The following ASTN1 variants were observed in gnomAD, a reference collection of about 807,000 sequenced individuals.
ASTN1 encodes astrotactin 1.
In ASTN1, 41 loss-of-function variants were observed where a neutral mutation model predicts 140.7. The ratio of observed to expected loss-of-function variants is 0.29; its 90% CI spans 0.23 to 0.38. ASTN1 has a LOEUF of 0.38. ASTN1 is among the 10% of genes least tolerant of loss of function. The probability of loss-of-function intolerance (pLI) is 1.00; values close to 1 mark genes in which losing one functional copy is unlikely to be tolerated. For synonymous variants in ASTN1, 640 were observed against 652.2 expected, an observed-to-expected ratio of 0.98 and a Z score of 0.29; for missense variants, 1,479 against 1,678.8, an observed-to-expected ratio of 0.88 and a Z score of 2.08.
chr1:176,938,536 A>G (rs928348000), intron 14 of ASTN1, among the ~76,000 whole-genome samples: 6 of 152,220 alleles, frequency 3.9e-5, no homozygotes, highest in Admixed American at 3.3e-4. Flanking sequence ...TCAAAATGAC[A>G]GTCACTTTCA....
chr1:176,893,907 T>C (rs1376150897), intron 17 of ASTN1, among the ~76,000 whole-genome samples: 1 of 152,208 alleles, frequency 6.6e-6, no homozygotes, highest in Non-Finnish European at 1.5e-5. Context: ...GCCCTTCTTT[T>C]TGGTTCCATC....
chr1:177,068,240 T>C (rs1179067222), intron 1 of ASTN1, among the ~76,000 whole-genome samples: 1 of 152,188 alleles, frequency 6.6e-6, no homozygotes, highest in African/African-American at 2.4e-5. Context: ...TTCTCATTCC[T>C]CTTTCTCCAA....
intron 1 of ASTN1, among the ~76,000 whole-genome samples, chr1:177,069,322 A>G (rs150410955): frequency 8.4e-4 from 128 of 152,296 alleles, no homozygotes; most frequent in African/African-American, 2.9e-3. Flanking sequence ...TTGTAGAACT[A>G]GACTCTAAAA....
rs114827592 is a variant in ASTN1, at chr1:176,924,202, C to T, written c.2671+9950G>A. On this transcript the variant is annotated intron_variant, in intron 16 of 22. Transcript: ENST00000361833. ...GGGATCTAGGCTTCTCTTTTTTCCACAGTCATGTTGGTTATCATTCTGATA... is the reference window on the plus strand; with the variant it reads ...GGGATCTAGGCTTCTCTTTTTTCCATAGTCATGTTGGTTATCATTCTGATA... Among the ~76,000 whole-genome samples, 961 of 152,274 alleles carry T rather than the reference C, an allele frequency of 6.3e-3. 10 individuals are homozygous for T. Among genetic ancestry groups the T allele is most frequent in the African/African-American group, 0.022 (908 of 41,550 alleles).
intron 8 of ASTN1, among the ~76,000 whole-genome samples, chr1:176,987,360 C>T (rs1673953798): frequency 6.6e-6 from 1 of 152,166 alleles, no homozygotes; most frequent in South Asian, 2.1e-4. Context: ...TTTACAAAAA[C>T]AGGTGACAGG....
intron 5 of ASTN1, chr1:177,029,282 A>T (rs1383674519): frequency 2.0e-6 from 1 of 489,734 alleles, no homozygotes; most frequent in Non-Finnish European, 4.2e-6. Context: ...TATAGTATCC[A>T]TCTTTTCACA....
intron 2 of ASTN1, among the ~76,000 whole-genome samples, chr1:177,037,335 T>G (rs1676768090): frequency 6.6e-6 from 1 of 152,166 alleles, no homozygotes; most frequent in African/African-American, 2.4e-5. Context: ...CTCACACAGC[T>G]TATTGGGAGC....
At chr1:176,972,690 T>C (rs1195273970) in intron 8 of ASTN1, among the ~76,000 whole-genome samples, 1 of 151,750 alleles carries the variant, frequency 6.6e-6, no homozygotes, top group East Asian at 1.9e-4. Flanking sequence ...GTTTACCATA[T>C]AAATCTCATG....
chr1:176,967,255 T>C (rs1672929107), intron 8 of ASTN1, among the ~76,000 whole-genome samples: 1 of 152,218 alleles, frequency 6.6e-6, no homozygotes, highest in African/African-American at 2.4e-5. Flanking sequence ...AGGTGTTTTT[T>C]ATGTTTGTTC....
chr1:177,047,303 A>T (rs1163369907), intron 2 of ASTN1, among the ~76,000 whole-genome samples: 2 of 152,230 alleles, frequency 1.3e-5, no homozygotes, highest in Non-Finnish European at 2.9e-5. Flanking sequence ...TTCAGCCAAA[A>T]GGCCAGCATG....
intron 1 of ASTN1, among the ~76,000 whole-genome samples, chr1:177,155,416 C>CA (rs79152987): frequency 0.16 from 24,909 of 152,108 alleles, 4,223 homozygotes; most frequent in African/African-American, 0.43. Flanking sequence ...CAGAATATGA[C>CA]AAATACTAAC....
chr1:177,007,647 T>A (rs930706629), intron 8 of ASTN1, among the ~76,000 whole-genome samples: 23 of 152,106 alleles, frequency 1.5e-4, no homozygotes, highest in African/African-American at 5.3e-4. Flanking sequence ...GGGGTAGACG[T>A]CTGAAATCAG....
At chr1:177,130,246 A>T (rs1681877677) in intron 1 of ASTN1, among the ~76,000 whole-genome samples, 1 of 152,174 alleles carries the variant, frequency 6.6e-6, no homozygotes, top group South Asian at 2.1e-4. Flanking sequence ...AAGGCCAGAG[A>T]TAAAACTAGG....
intron 1 of ASTN1, among the ~76,000 whole-genome samples, chr1:177,086,859 GTTTTAA>G (rs901227177): frequency 2.8e-4 from 43 of 152,214 alleles, no homozygotes; most frequent in African/African-American, 1.0e-3. Flanking sequence ...GGAAATAATA[GTTTTAA>G]TTTTGAGAAT....
chr1:177,069,489 C>A (rs1678529602), intron 1 of ASTN1, among the ~76,000 whole-genome samples: 1 of 151,948 alleles, frequency 6.6e-6, no homozygotes, highest in Admixed American at 6.6e-5. Context: ...TCTCTGGGGG[C>A]AGTTGGGGGT....
intron 16 of ASTN1, among the ~76,000 whole-genome samples, chr1:176,918,554 T>A (rs1378456207): frequency 2.0e-5 from 3 of 152,154 alleles, no homozygotes; most frequent in Non-Finnish European, 4.4e-5. Context: ...AACTCTTTGG[T>A]TCCTCTTCCT....
At chr1:177,028,831 T>A (rs1338391389) in intron 5 of ASTN1, among the ~76,000 whole-genome samples, 1 of 152,252 alleles carries the variant, frequency 6.6e-6, no homozygotes, top group Non-Finnish European at 1.5e-5. Context: ...TTAACTCATT[T>A]GACATGTGAG....
In ASTN1 at chr1:176,944,031, T is replaced by C. The variant is rs374370413; in HGVS notation, c.2250-13A>G. 256 of 1,612,500 alleles carry C rather than the reference T, an allele frequency of 1.6e-4. No homozygotes were observed. The highest frequency in any genetic ancestry group is 2.0e-4 in the Non-Finnish European group (241 of 1,179,638). On this transcript the variant is annotated splice_polypyrimidine_tract_variant and intron_variant, in intron 13 of 22. Transcript: ENST00000361833. ...AAAGTTGTTTTGCCTAGAAAGAGGGTAGACCTTCATTTCTGAGTGTTCAGG... is the reference window on the plus strand; with the variant it reads ...AAAGTTGTTTTGCCTAGAAAGAGGGCAGACCTTCATTTCTGAGTGTTCAGG...
chr1:177,066,006 C>T (rs1571732238), intron 1 of ASTN1, among the ~76,000 whole-genome samples: 2 of 152,252 alleles, frequency 1.3e-5, no homozygotes, highest in South Asian at 4.1e-4. Context: ...CTCGTCTGAA[C>T]AAGGAGGATC....
Sources: allele counts gnomAD v4.1 joint callset (sites outside exome capture counted in the v4.1 genomes callset), GRCh38; gene constraint gnomAD v4.1.1; transcripts MANE v1.5; gene names NCBI Gene and HGNC (gene_info 2026-07-23, HGNC 2026-07-21).